Variants in CRTC1 observed in about 807,000 individuals in gnomAD.
The protein encoded by CRTC1 is CREB-regulated transcription coactivator 1.
Under a neutral mutation model 66.1 loss-of-function variants are expected in CRTC1, and 18 were observed. The observed-to-expected ratio is 0.27, with a 90% CI of 0.19 to 0.40. The LOEUF is 0.40. Ranked by LOEUF, CRTC1 falls within the 10% of genes least tolerant of loss-of-function variation. CRTC1 has a pLI of 1.00. For missense variants in CRTC1, 669 were observed against 887.9 expected (o/e 0.75, Z 3.13); for synonymous variants, 416 against 398.8 (o/e 1.04, Z -0.51).
chr19:18,767,671 G>GCTGT (rs2054767518), intron 9 of CRTC1, among the ~76,000 whole-genome samples: 1 of 152,216 alleles, frequency 6.6e-6, no homozygotes, highest in Non-Finnish European at 1.5e-5. Flanking sequence ...TCCAGACAGA[G>GCTGT]CTGTGGGCGC....
At chr19:18,697,838 C>G (rs2053029987) in intron 1 of CRTC1, among the ~76,000 whole-genome samples, 1 of 152,250 alleles carries the variant, frequency 6.6e-6, no homozygotes. Flanking sequence ...GGCAGGCATC[C>G]AACAGGTGCT....
rs926487942 is a variant in CRTC1 at position 18,699,967 on chromosome 19, C to T, written c.126+16139C>T. On this transcript the variant is annotated intron_variant, in intron 1 of 13. Coordinates refer to ENST00000321949, the MANE Select transcript of CRTC1 (RefSeq NM_015321.3). The stretch of plus-strand genomic sequence containing the variant: ...GTGATGACCTGGGGCTTGGCAAAGG[C>T]GGGCTTGTGACAGACTGAGCCTCAT... Among the ~76,000 whole-genome samples the T allele has an allele frequency of 5.3e-5, 8 of 152,178 alleles. No individual in the cohort carries two copies. The East Asian group carries it at 1.5e-3, about 29-fold the overall frequency.
chr19:18,706,469 A>G (rs1317846350), intron 1 of CRTC1, among the ~76,000 whole-genome samples: 5 of 151,402 alleles, frequency 3.3e-5, no homozygotes, highest in African/African-American at 1.2e-4. Flanking sequence ...GGCCTCCCGA[A>G]GTGTTGGGAT....
chr19:18,744,403 C>T (rs2054183458), intron 2 of CRTC1, among the ~76,000 whole-genome samples: 2 of 152,170 alleles, frequency 1.3e-5, no homozygotes, highest in South Asian at 2.1e-4. Flanking sequence ...ATGCCATAGC[C>T]GCGCATCCCC....
rs865788444 is a variant in CRTC1, at chr19:18,753,410, G to A, written c.539-90G>A. 123 of 896,866 alleles carry A rather than the reference G, an allele frequency of 1.4e-4. 2 individuals are homozygous for A. The Middle Eastern group carries it at 5.4e-3, about 39-fold the overall frequency. 55.6% of individuals were successfully genotyped at this position (896,866 alleles called of 1,614,324 possible). A position where few individuals can be genotyped will look rare whatever the true frequency, so the allele number is the denominator to read the frequency against. On this transcript the variant is annotated intron_variant, in intron 5 of 13. Coordinates refer to ENST00000321949, the MANE Select transcript of CRTC1 (RefSeq NM_015321.3). ...GCAGTCTTACCATGGCCATGACTCC[G>A]TGTGTCAGGGACGTGTCCTCCTGGT...
In CRTC1 at chr19:18,779,411, G is replaced by T; in HGVS notation, c.*2029G>T. On this transcript the variant is annotated 3_prime_UTR_variant, in exon 14 of 14. Transcript: ENST00000321949. ...ACACTGTTGGTCTGTCCAGGTCAAGGTCCCTTTCTCTTACCATGACAGAGG... is the reference window on the plus strand; with the variant it reads ...ACACTGTTGGTCTGTCCAGGTCAAGTTCCCTTTCTCTTACCATGACAGAGG... 1 of 225,482 alleles carries T rather than the reference G, an allele frequency of 4.4e-6. No individual in the cohort carries two copies. The highest frequency in any genetic ancestry group is 6.4e-5 in the East Asian group (1 of 15,646). 14.0% of individuals were successfully genotyped at this position (225,482 alleles called of 1,614,324 possible).
intron 2 of CRTC1, chr19:18,744,000 G>T: frequency 1.7e-6 from 2 of 1,154,026 alleles, no homozygotes; most frequent in Non-Finnish European, 2.6e-6. Context: ...GACCCTGTTG[G>T]GTGTCTGTCG....
intron 1 of CRTC1, among the ~76,000 whole-genome samples, chr19:18,718,632 C>T (rs921943128): frequency 1.3e-5 from 2 of 152,106 alleles, no homozygotes; most frequent in African/African-American, 4.8e-5. Flanking sequence ...TGTGAGCCAC[C>T]GTGCCCAGCC....
chr19:18,688,572 G>A (rs2052746356), intron 1 of CRTC1, among the ~76,000 whole-genome samples: 1 of 152,022 alleles, frequency 6.6e-6, no homozygotes, highest in Non-Finnish European at 1.5e-5. Flanking sequence ...CCAAGTAGCT[G>A]GAATTGCAGG....
chr19:18,701,109 G>A (rs934991150), intron 1 of CRTC1, among the ~76,000 whole-genome samples: 2 of 152,222 alleles, frequency 1.3e-5, no homozygotes, highest in Non-Finnish European at 2.9e-5. Context: ...GCCTCTGTTC[G>A]GCAAGGAGCC....
chr19:18,687,011 CTT>C (rs35032428), intron 1 of CRTC1, among the ~76,000 whole-genome samples: 11 of 103,418 alleles, frequency 1.1e-4, no homozygotes, highest in Admixed American at 2.3e-4. Flanking sequence ...GACTGAGAAA[CTT>C]TTTTTTTTTT....
chr19:18,759,954 C>A, intron 7 of CRTC1, 54 bp from the exon 8 acceptor site: 1 of 1,403,960 alleles, frequency 7.1e-7, no homozygotes, highest in Non-Finnish European at 9.8e-7. Flanking sequence ...CCTGTCCCCG[C>A]CGCCAGCCCC....
intron 1 of CRTC1, among the ~76,000 whole-genome samples, chr19:18,726,963 C>G (rs1450831620): frequency 7.0e-6 from 1 of 142,890 alleles, no homozygotes; most frequent in African/African-American, 2.6e-5. Flanking sequence ...GAAGGCAAAA[C>G]AGGCCAGGCA....
chr19:18,732,800 A>G (rs2053919179), intron 1 of CRTC1, among the ~76,000 whole-genome samples: 1 of 152,070 alleles, frequency 6.6e-6, no homozygotes, highest in Admixed American at 6.5e-5. Context: ...TTTCAGAATA[A>G]CTACAGGAGG....
At chr19:18,721,489 G>A (rs201088243) in intron 1 of CRTC1, among the ~76,000 whole-genome samples, 41 of 128,272 alleles carry the variant, frequency 3.2e-4, no homozygotes, top group African/African-American at 1.2e-3. Flanking sequence ...CACCACACCC[G>A]GCCTTTTTTT....
intron 8 of CRTC1, 65 bp from the exon 9 acceptor site, chr19:18,765,339 G>A (rs2054704649): frequency 6.4e-7 from 1 of 1,556,436 alleles, no homozygotes; most frequent in Non-Finnish European, 8.7e-7. Context: ...CTGTGGGTGT[G>A]TAAGCAGCCC....
At position 18,777,073 on chromosome 19, in the gene CRTC1, G is replaced by A. The variant is rs1316720382; in HGVS notation, c.1694-98G>A. On this transcript the variant is annotated intron_variant, in intron 13 of 13. Coordinates refer to ENST00000321949, the MANE Select transcript of CRTC1 (RefSeq NM_015321.3). This position sits in a 1 kb window ranked among gnomAD's most constrained non-coding sequence, Gnocchi z 5.5. ...CCCAGACATTGCCAGCATACCCAGG[G>A]GACAGAGTCGCCCGGCGGGCATGCC... The A allele has an allele frequency of 2.5e-5, 18 of 711,962 alleles. 1 individual carries two copies. The Middle Eastern group carries it at 1.4e-3, about 54-fold the overall frequency. The allele number at this position is 711,962 out of a possible 1,614,324, so 44.1% of individuals were successfully genotyped here.
At chr19:18,686,480 C>T (rs1490262010) in intron 1 of CRTC1, among the ~76,000 whole-genome samples, 2 of 152,230 alleles carry the variant, frequency 1.3e-5, no homozygotes, top group African/African-American at 2.4e-5. Context: ...AAACCCGTCT[C>T]CACTAAAAAT....
At chr19:18,772,217 G>C (rs768576544) in intron 11 of CRTC1, among the ~76,000 whole-genome samples, 7 of 152,104 alleles carry the variant, frequency 4.6e-5, no homozygotes, top group Non-Finnish European at 7.3e-5. Flanking sequence ...ATGCCCCTTC[G>C]TTCTGCCTGG....
Sources: allele counts gnomAD v4.1 joint callset (sites outside exome capture counted in the v4.1 genomes callset), GRCh38; gene constraint gnomAD v4.1.1; non-coding constraint Gnocchi (gnomAD v3.1); transcripts MANE v1.5; gene names NCBI Gene and HGNC (gene_info 2026-07-23, HGNC 2026-07-21).